The following FTCDNL1 variants were observed in gnomAD, a reference collection of about 807,000 sequenced individuals.
The protein encoded by FTCDNL1 is formiminotransferase N-terminal subdomain-containing protein.
In FTCDNL1, 11 loss-of-function variants were observed where a neutral mutation model predicts 5.9. The ratio of observed to expected loss-of-function variants is 1.87; its 90% CI spans 1.18 to 3.10. The LOEUF (loss-of-function observed/expected upper bound fraction) is 3.10, where lower values mean the gene tolerates loss of function less well. Ranked by LOEUF, FTCDNL1 falls within the 30% of genes most tolerant of loss-of-function variation. The pLI is 0.00. For missense variants in FTCDNL1, 115 were observed against 65.5 expected (o/e 1.76, Z -2.61); for synonymous variants, 58 against 24.8 (o/e 2.34, Z -3.99).
At chr2:199,685,515 A>C in the FTCDNL1 span, among the ~76,000 whole-genome samples, 6 of 152,116 alleles carry the variant, frequency 3.9e-5, no homozygotes, top group African/African-American at 9.7e-5. Flanking sequence ...CCCAGAATTG[A>C]TAGGTAGCTC....
At chr2:199,687,218 T>C in the FTCDNL1 span, among the ~76,000 whole-genome samples, 1 of 152,222 alleles carries the variant, frequency 6.6e-6, no homozygotes, top group Non-Finnish European at 1.5e-5. Context: ...TTAAAGAAGA[T>C]GGCACTGTTC....
At chr2:199,746,728 C>T in the FTCDNL1 span, among the ~76,000 whole-genome samples, 2 of 151,776 alleles carry the variant, frequency 1.3e-5, no homozygotes, top group African/African-American at 2.4e-5. Flanking sequence ...CAACCTCCAC[C>T]GAGAATCACA....
At chr2:199,690,383 C>A in the FTCDNL1 span, among the ~76,000 whole-genome samples, 1 of 152,174 alleles carries the variant, frequency 6.6e-6, no homozygotes, top group Non-Finnish European at 1.5e-5. Flanking sequence ...TCTGCCTAGC[C>A]CCTGCATCCT....
In FTCDNL1 at chr2:199,819,733, T is replaced by A. The variant is rs115624174; in HGVS notation, c.236A>T (p.His79Leu). ...KLGLAEDLVLHVPGCSVFLFG... is the reference protein window; with the variant it reads ...KLGLAEDLVLLVPGCSVFLFG... The stretch of plus-strand genomic sequence containing the variant: ...GAGAAACACGCTGCAGCCAGGAACA[T>A]GCAGCACCAGATCCTCAGCAAGGCC... The change falls in exon 4 of 5, where the codon CAT (histidine) becomes CTT (leucine). Residue 79 changes from histidine to leucine, a missense_variant. Coordinates refer to ENST00000420128, the MANE Select transcript of FTCDNL1 (RefSeq NM_001363886.2). 655 of 702,238 alleles carry A rather than the reference T, an allele frequency of 9.3e-4. 2 individuals are homozygous for A. The African/African-American group carries it at 9.9e-3, about 11-fold the overall frequency. 43.5% of individuals were successfully genotyped at this position (702,238 alleles called of 1,614,324 possible).
intron 3 of FTCDNL1, among the ~76,000 whole-genome samples, chr2:199,767,167 T>G (rs1427731124): frequency 6.6e-6 from 1 of 152,202 alleles, no homozygotes; most frequent in Non-Finnish European, 1.5e-5. Flanking sequence ...CAAATAATCT[T>G]TTAGAAAACA....
At chr2:199,730,059 C>T in the FTCDNL1 span, among the ~76,000 whole-genome samples, 1 of 152,148 alleles carries the variant, frequency 6.6e-6, no homozygotes, top group Non-Finnish European at 1.5e-5. Flanking sequence ...ACATCCACAA[C>T]CATCTGATCT....
the FTCDNL1 span, among the ~76,000 whole-genome samples, chr2:199,708,692 C>A: frequency 6.6e-6 from 1 of 152,042 alleles, no homozygotes; most frequent in African/African-American, 2.4e-5. Flanking sequence ...ATTCTTGGTG[C>A]CTTCAACAAG....
chr2:199,772,644 C>T (rs1254750696), intron 3 of FTCDNL1, among the ~76,000 whole-genome samples: 1 of 152,106 alleles, frequency 6.6e-6, no homozygotes, highest in Admixed American at 6.5e-5. Flanking sequence ...TCTTGGTCAT[C>T]CAGTCTAATG....
chr2:199,813,572 T>A (rs1701161357), intron 4 of FTCDNL1, among the ~76,000 whole-genome samples: 1 of 152,118 alleles, frequency 6.6e-6, no homozygotes. Context: ...TGCATTACAG[T>A]TTGAATAAAC....
intron 3 of FTCDNL1, among the ~76,000 whole-genome samples, chr2:199,773,443 T>C (rs1367678465): frequency 1.3e-5 from 2 of 152,286 alleles, no homozygotes; most frequent in Middle Eastern, 3.4e-3. Flanking sequence ...GTACTACTCT[T>C]TCCCCATTGT....
chr2:199,670,925 G>A, the FTCDNL1 span, among the ~76,000 whole-genome samples: 1 of 152,156 alleles, frequency 6.6e-6, no homozygotes, highest in Non-Finnish European at 1.5e-5. Context: ...CTTGTGAAAA[G>A]AGGGCTAAAT....
the FTCDNL1 span, among the ~76,000 whole-genome samples, chr2:199,723,501 TATG>T: frequency 6.6e-6 from 1 of 152,280 alleles, no homozygotes; most frequent in Admixed American, 6.5e-5. Flanking sequence ...GCCCATTCAG[TATG>T]ATATTGGCTG....
the FTCDNL1 span, among the ~76,000 whole-genome samples, chr2:199,686,728 A>G: frequency 1.3e-5 from 2 of 152,218 alleles, no homozygotes; most frequent in African/African-American, 4.8e-5. Flanking sequence ...TATGAAAAAC[A>G]TATTTGTCTG....
At chr2:199,756,079 T>C (rs1009503752), downstream of FTCDNL1, among the ~76,000 whole-genome samples, 1 of 152,198 alleles carries the variant, frequency 6.6e-6, no homozygotes, top group Non-Finnish European at 1.5e-5. Flanking sequence ...GAACAGTGAC[T>C]AAAAGAAAAG....
chr2:199,699,634 G>A, the FTCDNL1 span, among the ~76,000 whole-genome samples: 1 of 152,116 alleles, frequency 6.6e-6, no homozygotes, highest in South Asian at 2.1e-4. Context: ...GATGAACACA[G>A]ACACCAAAAT....
At position 199,760,745 on chromosome 2, in the gene FTCDNL1, G is replaced by A. The variant is rs949395390; in HGVS notation, c.*68C>T. 9.5e-5 allele frequency: 67 copies of A among 701,922 alleles called. No individual in the cohort carries two copies. In the East Asian group the frequency reaches 1.8e-3, roughly 19 times the overall value. 43.5% of individuals were successfully genotyped at this position (701,922 alleles called of 1,614,324 possible). A position where few individuals can be genotyped will look rare whatever the true frequency, so the allele number is the denominator to read the frequency against. On this transcript the variant is annotated 3_prime_UTR_variant, in exon 4 of 4. Coordinates refer to the FTCDNL1 transcript ENST00000416668. ...TGGTTTTCCTCCATGAGTCACCCCAGATCCATTCTGTGGATTGCTCTGCCC... is the reference window on the plus strand; with the variant it reads ...TGGTTTTCCTCCATGAGTCACCCCAAATCCATTCTGTGGATTGCTCTGCCC...
chr2:199,679,134 A>C, the FTCDNL1 span, among the ~76,000 whole-genome samples: 4 of 152,102 alleles, frequency 2.6e-5, no homozygotes, highest in Admixed American at 6.5e-5. Flanking sequence ...AGAAAAATCT[A>C]ATTTTAATTT....
chr2:199,669,120 T>C, the FTCDNL1 span, among the ~76,000 whole-genome samples: 2 of 152,304 alleles, frequency 1.3e-5, no homozygotes, highest in Admixed American at 1.3e-4. Flanking sequence ...AGGAAATAAA[T>C]TCAACTTAAC....
At chr2:199,685,660 A>C in the FTCDNL1 span, among the ~76,000 whole-genome samples, 1 of 152,196 alleles carries the variant, frequency 6.6e-6, no homozygotes, top group Non-Finnish European at 1.5e-5. Context: ...CAAATCCATT[A>C]ATAAGAGTTT....
Sources: gnomAD v4.1 joint callset for allele counts (sites outside exome capture counted in the v4.1 genomes callset) on GRCh38, gnomAD v4.1.1 for gene constraint, MANE v1.5 for transcripts, NCBI Gene and HGNC (gene_info 2026-07-23, HGNC 2026-07-21) for gene names.